Variants in RBFOX1 observed in about 807,000 individuals in gnomAD.
The protein encoded by RBFOX1 is RNA binding fox-1 homolog 1.
RBFOX1 carries 8 observed loss-of-function variants against 57.7 expected under a neutral mutation model. The ratio of observed to expected loss-of-function variants is 0.14; its 90% CI spans 0.08 to 0.25. The LOEUF is 0.25. Ranked by LOEUF, RBFOX1 falls within the 10% of genes least tolerant of loss-of-function variation. The probability of loss-of-function intolerance (pLI) is 1.00; values close to 1 mark genes in which losing one functional copy is unlikely to be tolerated. For synonymous variants in RBFOX1, 326 were observed against 222.4 expected, an observed-to-expected ratio of 1.47 and a Z score of -4.15; for missense variants, 611 against 548.5, an observed-to-expected ratio of 1.11 and a Z score of -1.14.
chr16:5,941,364 C>T (rs1433409493), intron 4 of RBFOX1, among the ~76,000 whole-genome samples: 1 of 151,530 alleles, frequency 6.6e-6, no homozygotes, highest in East Asian at 2.0e-4. Context: ...GTAGAGCATG[C>T]CTGTCGTCCC....
At chr16:6,060,135 T>TGTTTG (rs2095666092) in intron 1 of RBFOX1, among the ~76,000 whole-genome samples, 1 of 21,998 alleles carries the variant, frequency 4.5e-5, no homozygotes. Context: ...TTTTTTTTTT[T>TGTTTG]TTTTTTTTTT....
intron 2 of RBFOX1, among the ~76,000 whole-genome samples, chr16:6,353,680 G>T (rs1448578368): frequency 1.3e-5 from 2 of 152,058 alleles, no homozygotes; most frequent in African/African-American, 2.4e-5. Context: ...CTAGCCCTTT[G>T]TTCCCTGTAG....
At chr16:5,949,499 C>T (rs1354586675) in intron 4 of RBFOX1, among the ~76,000 whole-genome samples, 1 of 129,402 alleles carries the variant, frequency 7.7e-6, no homozygotes, top group African/African-American at 3.1e-5. Context: ...GCACTCTAGC[C>T]TGGGTGGCAG....
At chr16:7,625,670 T>A (rs1164888364) in intron 10 of RBFOX1, among the ~76,000 whole-genome samples, 3 of 152,192 alleles carry the variant, frequency 2.0e-5, no homozygotes, top group Non-Finnish European at 2.9e-5. Context: ...ATTTTTTGTT[T>A]AAATTCAGAA....
rs578209994 is a variant in RBFOX1, at chr16:7,020,009, G to A, written c.-15-32048G>A. On this transcript the variant is annotated intron_variant, in intron 3 of 15. Transcript: ENST00000550418. ...TTTTTTTTTTCTCTGATGAAGTGCT[G>A]CTACCCTCAGGAAGGCGTCTGTAGT... Among the ~76,000 whole-genome samples, 5 of 143,174 alleles carry A rather than the reference G, an allele frequency of 3.5e-5. No homozygotes were observed. In the South Asian group the frequency reaches 1.1e-3, roughly 31 times the overall value. 93.9% of individuals were successfully genotyped at this position (143,174 alleles called of 152,430 possible).
intron 1 of RBFOX1, among the ~76,000 whole-genome samples, chr16:5,390,530 C>T (rs934724107): frequency 1.3e-5 from 2 of 152,208 alleles, no homozygotes; most frequent in South Asian, 4.1e-4. Flanking sequence ...CTCAAGTGAT[C>T]CACCTGCCTC....
intron 1 of RBFOX1, among the ~76,000 whole-genome samples, chr16:5,327,234 G>A (rs1318620589): frequency 4.6e-5 from 7 of 152,080 alleles, no homozygotes; most frequent in African/African-American, 1.7e-4. Flanking sequence ...CTGTGAAACT[G>A]GCCAGACCCT....
chr16:5,748,488 A>G (rs1438932646), intron 3 of RBFOX1, among the ~76,000 whole-genome samples: 1 of 152,114 alleles, frequency 6.6e-6, no homozygotes, highest in Non-Finnish European at 1.5e-5. Context: ...AAAGTCTCCC[A>G]TTATTATTGT....
chr16:7,390,496 C>G (rs780014776), intron 4 of RBFOX1, among the ~76,000 whole-genome samples: 41 of 152,160 alleles, frequency 2.7e-4, no homozygotes, highest in Non-Finnish European at 1.6e-4. Context: ...ATCATCTGTT[C>G]AAAAGAATAC....
intron 3 of RBFOX1, among the ~76,000 whole-genome samples, chr16:6,923,288 C>T (rs1009428979): frequency 2.8e-4 from 43 of 152,148 alleles, no homozygotes; most frequent in Admixed American, 2.8e-3. Flanking sequence ...AATCCCAGAA[C>T]TTTGGGATGC....
chr16:7,231,629 A>G (rs2093497225), intron 4 of RBFOX1, among the ~76,000 whole-genome samples: 2 of 152,248 alleles, frequency 1.3e-5, no homozygotes, highest in Non-Finnish European at 1.5e-5. Flanking sequence ...CAAAAAGCAA[A>G]GACAACCCAA....
At chr16:7,407,373 G>GGGGTGT (rs1011842452) in intron 4 of RBFOX1, among the ~76,000 whole-genome samples, 320 of 149,662 alleles carry the variant, frequency 2.1e-3, no homozygotes, top group African/African-American at 7.4e-3. Flanking sequence ...GATTTGTATG[G>GGGGTGT]GTGTGTGTGT....
rs370402076 is a variant in RBFOX1 at position 7,468,457 on chromosome 16, G to GTTT, written c.28-49675_28-49673dup. 1.1e-3 allele frequency among the ~76,000 whole-genome samples: 149 copies of GTTT among 133,404 alleles called. 2 individuals carry two copies. The East Asian group carries it at 0.016, about 14-fold the overall frequency. The allele number at this position is 133,404 out of a possible 152,430, so 87.5% of individuals were successfully genotyped here. On this transcript the variant is annotated intron_variant, in intron 4 of 15. Coordinates refer to ENST00000550418, the MANE Select transcript of RBFOX1 (RefSeq NM_018723.4). Reference sequence around the variant, plus strand: ...CTTATTTTTGAGTCACTCGGAGGGTGTTTTTTTTTTTTTTTTTCCTGGTGA... The same window carrying GTTT: ...CTTATTTTTGAGTCACTCGGAGGGTGTTTTTTTTTTTTTTTTTTTTCCTGGTGA...
chr16:7,335,763 G>C (rs758607728), intron 4 of RBFOX1, among the ~76,000 whole-genome samples: 1 of 152,122 alleles, frequency 6.6e-6, no homozygotes, highest in Non-Finnish European at 1.5e-5. Context: ...GTTATCATCT[G>C]CCCTACCCTT....
At chr16:5,994,437 C>G (rs1423297394) in intron 4 of RBFOX1, among the ~76,000 whole-genome samples, 2 of 152,198 alleles carry the variant, frequency 1.3e-5, no homozygotes, top group African/African-American at 2.4e-5. Context: ...GCTGGGATTA[C>G]AAGCATGAGC....
chr16:6,984,792 C>G (rs1329865831), intron 3 of RBFOX1, among the ~76,000 whole-genome samples: 1 of 152,196 alleles, frequency 6.6e-6, no homozygotes, highest in East Asian at 1.9e-4. Context: ...AGGTGCATGC[C>G]ACCACACCTG....
At chr16:5,330,707 C>CT (rs772757574) in intron 1 of RBFOX1, among the ~76,000 whole-genome samples, 5,115 of 134,896 alleles carry the variant, frequency 0.038, 265 homozygotes, top group African/African-American at 0.12. Flanking sequence ...GCCCAGCCTA[C>CT]TTTTTTTTTT....
chr16:5,339,347 G>A (rs1221922874), intron 1 of RBFOX1, among the ~76,000 whole-genome samples: 1 of 151,970 alleles, frequency 6.6e-6, no homozygotes, highest in Non-Finnish European at 1.5e-5. Flanking sequence ...TAGTTCAGTG[G>A]GTTTCTGTCA....
At chr16:6,543,308 G>A (rs1057228138) in intron 2 of RBFOX1, among the ~76,000 whole-genome samples, 2 of 152,080 alleles carry the variant, frequency 1.3e-5, no homozygotes, top group South Asian at 4.1e-4. Flanking sequence ...CCCTCCTTGA[G>A]ACTCTTTACT....
Sources: allele counts gnomAD v4.1 joint callset (sites outside exome capture counted in the v4.1 genomes callset), GRCh38; gene constraint gnomAD v4.1.1; transcripts MANE v1.5; gene names NCBI Gene and HGNC (gene_info 2026-07-23, HGNC 2026-07-21).